Variants in NTN4 observed in about 807,000 individuals in gnomAD.
NTN4 encodes netrin-4.
A neutral mutation model predicts 73.6 loss-of-function variants in NTN4; 32 were observed. That is an observed-to-expected ratio of 0.44 (90% CI 0.33 to 0.58). NTN4 has a LOEUF of 0.58. NTN4 is among the 20% of genes least tolerant of loss of function. NTN4 has a pLI of 0.04. For synonymous variants in NTN4, 258 were observed against 287.5 expected, an observed-to-expected ratio of 0.90 and a Z score of 1.04; for missense variants, 654 against 798.3, an observed-to-expected ratio of 0.82 and a Z score of 2.18.
chr12:95,682,251 G>C (rs1403972394), intron 7 of NTN4, among the ~76,000 whole-genome samples: 1 of 151,398 alleles, frequency 6.6e-6, no homozygotes, highest in East Asian at 1.9e-4. Flanking sequence ...GATAACTCTT[G>C]CTATGTTTCC....
chr12:95,747,041 T>C (rs933325779), intron 2 of NTN4, among the ~76,000 whole-genome samples: 1 of 152,204 alleles, frequency 6.6e-6, no homozygotes, highest in Admixed American at 6.5e-5. Flanking sequence ...TATAAAACTG[T>C]ACATAAACTA....
chr12:95,726,162 T>C (rs1431093695), intron 3 of NTN4, among the ~76,000 whole-genome samples: 1 of 152,174 alleles, frequency 6.6e-6, no homozygotes, highest in Non-Finnish European at 1.5e-5. Flanking sequence ...CTAGTGTACA[T>C]TTCAGTGGTT....
At chr12:95,711,305 CG>C (rs2078563845) in intron 4 of NTN4, among the ~76,000 whole-genome samples, 1 of 152,110 alleles carries the variant, frequency 6.6e-6, no homozygotes, top group African/African-American at 2.4e-5. Flanking sequence ...AACTTACCAA[CG>C]GGGATTGACA....
intron 1 of NTN4, 69 bp from the exon 2 acceptor site, chr12:95,787,537 A>C: frequency 6.7e-7 from 1 of 1,482,442 alleles, no homozygotes; most frequent in Non-Finnish European, 9.2e-7. Context: ...CACCTAGTCC[A>C]TCAACAACAG....
In NTN4 at chr12:95,665,770, A is replaced by C. The variant is rs760066512; in HGVS notation, c.1750+40T>G. ...TGTAAGACAAGCAGCAAATCAGCAGAGACAAGGTAGGTACTAAGATAGGAA... is the reference window on the plus strand; with the variant it reads ...TGTAAGACAAGCAGCAAATCAGCAGCGACAAGGTAGGTACTAAGATAGGAA... On this transcript the variant is annotated intron_variant, in intron 9 of 9. Coordinates refer to ENST00000343702, the MANE Select transcript of NTN4 (RefSeq NM_021229.4). 1.1e-5 allele frequency: 17 copies of C among 1,505,998 alleles called. No homozygotes were observed. In the Admixed American group the frequency reaches 3.0e-4, roughly 26 times the overall value. The allele number at this position is 1,505,998 out of a possible 1,614,324, so 93.3% of individuals were successfully genotyped here. A position where few individuals can be genotyped will look rare whatever the true frequency, so the allele number is the denominator to read the frequency against.
intron 2 of NTN4, among the ~76,000 whole-genome samples, chr12:95,770,714 C>A (rs369329800): frequency 1.3e-5 from 2 of 152,192 alleles, no homozygotes; most frequent in Non-Finnish European, 2.9e-5. Flanking sequence ...AACAGAGAAG[C>A]CTTTTTCAGT....
chr12:95,673,093 C>T (rs1380494096), intron 7 of NTN4: 3 of 1,270,308 alleles, frequency 2.4e-6, no homozygotes, highest in African/African-American at 2.9e-5. Flanking sequence ...ACTACTGTCC[C>T]CAGGAGCACC....
chr12:95,678,385 G>GA (rs1224977981), intron 7 of NTN4, among the ~76,000 whole-genome samples: 3 of 149,068 alleles, frequency 2.0e-5, no homozygotes, highest in Admixed American at 2.0e-4. Flanking sequence ...TTTGATACCG[G>GA]AAAAAAATTA....
intron 8 of NTN4, among the ~76,000 whole-genome samples, chr12:95,667,995 G>C (rs1448604879): frequency 6.6e-6 from 1 of 152,160 alleles, no homozygotes; most frequent in Admixed American, 6.5e-5. Context: ...AGGACAGGGA[G>C]CATAGTGCCC....
chr12:95,661,055 T>C (rs193252507), intron 9 of NTN4, among the ~76,000 whole-genome samples: 1 of 152,216 alleles, frequency 6.6e-6, no homozygotes, highest in African/African-American at 2.4e-5. Context: ...TTGTGGTAAG[T>C]TGAGCACCAA....
chr12:95,729,429 T>C (rs2078719598), intron 3 of NTN4, among the ~76,000 whole-genome samples: 1 of 152,126 alleles, frequency 6.6e-6, no homozygotes, highest in Non-Finnish European at 1.5e-5. Context: ...TATAGCCCTT[T>C]TATATCCCTA....
intron 2 of NTN4, among the ~76,000 whole-genome samples, chr12:95,762,176 A>AT (rs530632144): frequency 2.9e-4 from 44 of 152,114 alleles, no homozygotes; most frequent in Admixed American, 2.3e-3. Context: ...TGTACTTTCC[A>AT]TTTTTTTCAT....
chr12:95,659,049 C>A lies in NTN4; in HGVS notation c.*37G>T, dbSNP rs758045662. The A allele has an allele frequency of 3.4e-5, 54 of 1,570,648 alleles. No individual in the cohort carries two copies. The highest frequency in any genetic ancestry group is 4.5e-5 in the Non-Finnish European group (52 of 1,163,508). On this transcript the variant is annotated 3_prime_UTR_variant, in exon 10 of 10. Coordinates refer to ENST00000343702, the MANE Select transcript of NTN4 (RefSeq NM_021229.4). Reference sequence around the variant, plus strand: ...CTTGCTCTAAAGTTTGTGTTTTGTACATAGACAAGTGCCATTATGTGCTAT... The same window carrying A: ...CTTGCTCTAAAGTTTGTGTTTTGTAAATAGACAAGTGCCATTATGTGCTAT...
intron 3 of NTN4, among the ~76,000 whole-genome samples, chr12:95,720,791 G>A (rs2078642221): frequency 6.6e-6 from 1 of 152,146 alleles, no homozygotes; most frequent in Non-Finnish European, 1.5e-5. Context: ...TCTATTGTAA[G>A]CTCAAGGAAT....
intron 8 of NTN4, among the ~76,000 whole-genome samples, chr12:95,666,800 C>T (rs1405008726): frequency 6.6e-6 from 1 of 152,172 alleles, no homozygotes; most frequent in East Asian, 1.9e-4. Flanking sequence ...ACTTAATATT[C>T]TTCTCCTGGA....
chr12:95,672,825 G>C (rs2078243850), intron 7 of NTN4: 10 of 1,358,426 alleles, frequency 7.4e-6, no homozygotes, highest in Non-Finnish European at 1.1e-5. Context: ...TAGTTCCCCA[G>C]ATCAAGGAAG....
chr12:95,667,408 C>T (rs1246573508), intron 8 of NTN4, among the ~76,000 whole-genome samples: 2 of 152,040 alleles, frequency 1.3e-5, no homozygotes, highest in Admixed American at 6.6e-5. Flanking sequence ...TCCACATCTC[C>T]ATGGAAGAGT....
chr12:95,763,924 T>C (rs868696239), intron 2 of NTN4, among the ~76,000 whole-genome samples: 1 of 152,158 alleles, frequency 6.6e-6, no homozygotes. Flanking sequence ...CTTCTAATCA[T>C]GGTAAAACTG....
At chr12:95,680,185 C>T (rs2078305052) in intron 7 of NTN4, among the ~76,000 whole-genome samples, 1 of 152,210 alleles carries the variant, frequency 6.6e-6, no homozygotes, top group South Asian at 2.1e-4. Flanking sequence ...GTAGGAGACA[C>T]AGAAGCAGAG....
Sources: allele counts gnomAD v4.1 joint callset (sites outside exome capture counted in the v4.1 genomes callset), GRCh38; gene constraint gnomAD v4.1.1; transcripts MANE v1.5; gene names NCBI Gene and HGNC (gene_info 2026-07-23, HGNC 2026-07-21).